Variants in NCF2 observed in about 807,000 individuals in gnomAD.
NCF2 encodes neutrophil cytosol factor 2.
NCF2 carries 45 observed loss-of-function variants against 70.9 expected under a neutral mutation model. That is an observed-to-expected ratio of 0.63 (90% CI 0.50 to 0.81). The LOEUF (loss-of-function observed/expected upper bound fraction) is 0.81. Among genes scored for constraint, NCF2 ranks in the 40% least tolerant of loss-of-function variants. NCF2 has a pLI of 0.00. For missense variants in NCF2, 522 were observed against 631.6 expected, an observed-to-expected ratio of 0.83 and a Z score of 1.86; for synonymous variants, 203 against 233.6, an observed-to-expected ratio of 0.87 and a Z score of 1.19.
chr1:183,570,587 G>A (rs940321325), intron 6 of NCF2, among the ~76,000 whole-genome samples, 193 bp downstream of exon 6: 1 of 152,194 alleles, frequency 6.6e-6, no homozygotes, highest in Non-Finnish European at 1.5e-5. Context: ...GGTGAAGCCT[G>A]ACACTGCCTT....
At chr1:183,556,777 A>G (rs1188938585) in intron 14 of NCF2, among the ~76,000 whole-genome samples, 1 of 151,992 alleles carries the variant, frequency 6.6e-6, no homozygotes, top group Non-Finnish European at 1.5e-5. Context: ...GATCCACCCA[A>G]CTCAGCCTCC....
At chr1:183,574,012 C>T (rs1672687872) in intron 4 of NCF2, among the ~76,000 whole-genome samples, 1 of 152,218 alleles carries the variant, frequency 6.6e-6, no homozygotes, top group African/African-American at 2.4e-5. Flanking sequence ...ATTGCTTGAA[C>T]CCAGGAGGCA....
At chr1:183,579,562 TAAAAATAA>T (rs1294041085) in intron 2 of NCF2, among the ~76,000 whole-genome samples, 10 of 151,294 alleles carry the variant, frequency 6.6e-5, no homozygotes, top group Admixed American at 2.0e-4. Flanking sequence ...CCATCTCTAC[TAAAAATAA>T]AAAAATAAAA....
chr1:183,571,745 T>A (rs1352016192), intron 5 of NCF2, among the ~76,000 whole-genome samples: 2 of 152,248 alleles, frequency 1.3e-5, no homozygotes, highest in Non-Finnish European at 2.9e-5. Context: ...TGTCTAGCAC[T>A]GTGCCAGGCT....
intron 2 of NCF2, among the ~76,000 whole-genome samples, chr1:183,579,031 T>C (rs903999647): frequency 6.6e-6 from 1 of 152,226 alleles, no homozygotes; most frequent in Admixed American, 6.5e-5. Context: ...ACTGTAAGTC[T>C]GTAAGTCCCT....
At chr1:183,567,420 G>T in intron 7 of NCF2, 75 bp from the exon 8 acceptor site, 1 of 1,601,068 alleles carries the variant, frequency 6.2e-7, no homozygotes, top group Non-Finnish European at 8.5e-7. Flanking sequence ...TGAACTTGGA[G>T]CCAGGGACTT....
At chr1:183,569,780 G>A (rs565234906) in intron 6 of NCF2, among the ~76,000 whole-genome samples, 1 of 152,114 alleles carries the variant, frequency 6.6e-6, no homozygotes, top group Non-Finnish European at 1.5e-5. Flanking sequence ...GTAGGGACAG[G>A]GGTTTCACCA....
In NCF2 at chr1:183,585,624, C is replaced by CAAAAAAAAAAAAAAAAAAAAAAAAAAA. The variant is rs750881920; in HGVS notation, c.257+1270_257+1271insTTTTTTTTTTTTTTTTTTTTTTTTTTT. On this transcript the variant is annotated intron_variant, in intron 2 of 14. Coordinates refer to ENST00000367535, the MANE Select transcript of NCF2 (RefSeq NM_000433.4). The stretch of plus-strand genomic sequence containing the variant: ...TGGGTGACAGGGCGAAACTCCGTCT[C>CAAAAAAAAAAAAAAAAAAAAAAAAAAA]AAAAAAAAAAAAAATTCTTCATTAG... Among the ~76,000 whole-genome samples, 25 of 114,560 alleles carry CAAAAAAAAAAAAAAAAAAAAAAAAAAA rather than the reference C, an allele frequency of 2.2e-4. 3 individuals are homozygous for CAAAAAAAAAAAAAAAAAAAAAAAAAAA. Among genetic ancestry groups the CAAAAAAAAAAAAAAAAAAAAAAAAAAA allele is most frequent in the African/African-American group, 1.0e-3 (23 of 22,006 alleles). 75.2% of individuals were successfully genotyped at this position (114,560 alleles called of 152,430 possible). A position where few individuals can be genotyped will look rare whatever the true frequency, so the allele number is the denominator to read the frequency against.
intron 3 of NCF2, among the ~76,000 whole-genome samples, chr1:183,575,098 C>T (rs1672737608): frequency 6.6e-6 from 1 of 152,170 alleles, no homozygotes; most frequent in East Asian, 1.9e-4. Context: ...GGTACAGAGC[C>T]GGAAGATGGA....
upstream of NCF2, among the ~76,000 whole-genome samples, chr1:183,594,026 C>G (rs11579965): frequency 0.098 from 14,919 of 152,234 alleles, 836 homozygotes; most frequent in Admixed American, 0.15. Context: ...GGGGAGACAA[C>G]TAAGAACAAG....
At chr1:183,560,004 T>A in intron 14 of NCF2, 92 bp downstream of exon 14, 1 of 1,405,524 alleles carries the variant, frequency 7.1e-7, no homozygotes, top group Non-Finnish European at 1.0e-6. Flanking sequence ...TAAAGTTTTG[T>A]TTGTAGATTA....
intron 7 of NCF2, among the ~76,000 whole-genome samples, chr1:183,568,687 C>T (rs1307872650): frequency 6.6e-6 from 1 of 150,540 alleles, no homozygotes; most frequent in Non-Finnish European, 1.5e-5. Context: ...TTCTAGATTC[C>T]TGACTCCAGA....
chr1:183,587,001 T>A lies in NCF2; in HGVS notation c.175-24A>T, dbSNP rs1477139940. On this transcript the variant is annotated intron_variant, in intron 1 of 14. Coordinates refer to ENST00000367535, the MANE Select transcript of NCF2 (RefSeq NM_000433.4). ...GCCTGAGGAGAGAAGGGTCCAGACATGGCCATGATGCAAGGCAGTGAGGAG... is the reference window on the plus strand; with the variant it reads ...GCCTGAGGAGAGAAGGGTCCAGACAAGGCCATGATGCAAGGCAGTGAGGAG... 3 of 1,599,852 alleles carry A rather than the reference T, an allele frequency of 1.9e-6. No individual in the cohort carries two copies. The East Asian group carries it at 6.7e-5, about 36-fold the overall frequency.
At chr1:183,597,074 T>C in the NCF2 span, among the ~76,000 whole-genome samples, 3 of 152,254 alleles carry the variant, frequency 2.0e-5, no homozygotes, top group African/African-American at 7.2e-5. Context: ...AAATATGTGC[T>C]GATCTGAAAA....
intron 4 of NCF2, among the ~76,000 whole-genome samples, chr1:183,573,703 T>C (rs1672672913): frequency 6.6e-6 from 1 of 152,246 alleles, no homozygotes; most frequent in Non-Finnish European, 1.5e-5. Flanking sequence ...GCTTGAGTCC[T>C]CTTCTCTGTG....
the NCF2 span, among the ~76,000 whole-genome samples, chr1:183,597,253 A>G: frequency 6.6e-6 from 1 of 152,296 alleles, no homozygotes; most frequent in African/African-American, 2.4e-5. Context: ...CATGTGTTCA[A>G]AACTCCGTGG....
At chr1:183,576,261 A>G (rs1304595928) in intron 3 of NCF2, among the ~76,000 whole-genome samples, 1 of 152,228 alleles carries the variant, frequency 6.6e-6, no homozygotes, top group East Asian at 1.9e-4. Context: ...CCACTCAGCC[A>G]GTATTTTCTG....
At chr1:183,565,877 A>T (rs2102887841) in intron 9 of NCF2, 98 bp from the exon 10 acceptor site, 2 of 1,150,538 alleles carry the variant, frequency 1.7e-6, no homozygotes, top group East Asian at 2.4e-5. Flanking sequence ...CATGTAAAGG[A>T]GCCACATGCA....
chr1:183,586,107 G>C (rs1673336868), intron 2 of NCF2, among the ~76,000 whole-genome samples: 2 of 152,220 alleles, frequency 1.3e-5, no homozygotes, highest in African/African-American at 4.8e-5. Context: ...GGCTGAGGTG[G>C]GCAGATCACC....
Sources: allele counts gnomAD v4.1 joint callset (sites outside exome capture counted in the v4.1 genomes callset), GRCh38; gene constraint gnomAD v4.1.1; transcripts MANE v1.5; gene names NCBI Gene and HGNC (gene_info 2026-07-23, HGNC 2026-07-21).